TAFA2: variants seen among roughly 807,000 people sequenced by gnomAD.
The protein encoded by TAFA2 is TAFA chemokine like family member 2, also known as chemokine-like protein TAFA-2.
A neutral mutation model predicts 18.8 loss-of-function variants in TAFA2; 7 were observed. That is an observed-to-expected ratio of 0.37 (90% CI 0.21 to 0.70). The LOEUF is 0.70. TAFA2 is among the 30% of genes least tolerant of loss of function. TAFA2 has a pLI of 0.53. For synonymous variants in TAFA2, 60 were observed against 54.2 expected (o/e 1.11, Z -0.47); for missense variants, 122 against 158.1 (o/e 0.77, Z 1.23).
intron 1 of TAFA2, among the ~76,000 whole-genome samples, chr12:62,134,425 C>T (rs959556772): frequency 6.6e-6 from 1 of 151,980 alleles, no homozygotes; most frequent in Non-Finnish European, 1.5e-5. Context: ...TGTGAGGACA[C>T]AGCATGAAGA....
At chr12:62,097,655 GGAAGTTA>G (rs1382930780) in intron 1 of TAFA2, among the ~76,000 whole-genome samples, 1 of 152,160 alleles carries the variant, frequency 6.6e-6, no homozygotes, top group Non-Finnish European at 1.5e-5. Context: ...AGGCAAGAGT[GGAAGTTA>G]GAAAGTCAAT....
chr12:61,881,323 A>C (rs1565667637), intron 1 of TAFA2, among the ~76,000 whole-genome samples: 1 of 152,272 alleles, frequency 6.6e-6, no homozygotes, highest in Admixed American at 6.5e-5. Flanking sequence ...ACTGACACAA[A>C]CCCATATGGT....
At chr12:61,731,279 G>C (rs765728392) in intron 4 of TAFA2, among the ~76,000 whole-genome samples, 1 of 152,066 alleles carries the variant, frequency 6.6e-6, no homozygotes, top group African/African-American at 2.4e-5. Flanking sequence ...GTCTTATGGA[G>C]TTTACTGGCA....
chr12:62,015,521 ATTTG>A (rs1880907851), intron 1 of TAFA2, among the ~76,000 whole-genome samples: 1 of 152,180 alleles, frequency 6.6e-6, no homozygotes, highest in African/African-American at 2.4e-5. Flanking sequence ...GATCAGCAGC[ATTTG>A]TTTATTCTAT....
chr12:62,089,753 G>C (rs1445601982), intron 1 of TAFA2, among the ~76,000 whole-genome samples: 1 of 152,070 alleles, frequency 6.6e-6, no homozygotes, highest in African/African-American at 2.4e-5. Flanking sequence ...TTGCTAAAGA[G>C]TCATTGGATT....
intron 1 of TAFA2, among the ~76,000 whole-genome samples, chr12:61,938,834 C>T (rs1025049369): frequency 4.6e-5 from 7 of 151,950 alleles, no homozygotes; most frequent in Admixed American, 4.6e-4. Context: ...TATGCTTACA[C>T]TTATAAGTGG....
intron 4 of TAFA2, among the ~76,000 whole-genome samples, chr12:61,746,332 G>C (rs1428154989): frequency 2.6e-5 from 4 of 152,062 alleles, no homozygotes; most frequent in Non-Finnish European, 5.9e-5. Context: ...CAGCAATGTG[G>C]AACTGTGAGT....
intron 1 of TAFA2, among the ~76,000 whole-genome samples, chr12:61,949,223 T>C (rs1033762463): frequency 2.6e-5 from 4 of 152,166 alleles, no homozygotes; most frequent in Admixed American, 2.6e-4. Context: ...AGAGGGAACA[T>C]GTTCTGCTTG....
intron 1 of TAFA2, among the ~76,000 whole-genome samples, chr12:62,149,490 T>G (rs1162698390): frequency 6.6e-6 from 1 of 151,342 alleles, no homozygotes; most frequent in African/African-American, 2.4e-5. Flanking sequence ...AACTAAGATT[T>G]TATATGAAAA....
At chr12:61,773,052 T>C (rs1870101996) in intron 2 of TAFA2, among the ~76,000 whole-genome samples, 1 of 151,970 alleles carries the variant, frequency 6.6e-6, no homozygotes, top group Non-Finnish European at 1.5e-5. Context: ...AGCACTGCTA[T>C]ACACCAACAG....
At chr12:62,159,468 C>T (rs73315679) in intron 1 of TAFA2, among the ~76,000 whole-genome samples, 2,796 of 152,232 alleles carry the variant, frequency 0.018, 96 homozygotes, top group African/African-American at 0.064. Context: ...AAGAAACATT[C>T]TAAAAGGAAC....
chr12:61,894,721 G>A (rs1397924480), intron 1 of TAFA2, among the ~76,000 whole-genome samples: 1 of 152,066 alleles, frequency 6.6e-6, no homozygotes, highest in African/African-American at 2.4e-5. Context: ...GATAATTATT[G>A]CCCACATGGT....
intron 1 of TAFA2, among the ~76,000 whole-genome samples, chr12:61,919,107 A>G (rs926094721): frequency 1.3e-5 from 2 of 152,306 alleles, no homozygotes; most frequent in African/African-American, 2.4e-5. Flanking sequence ...CATTTTTACA[A>G]TGTACTGATT....
chr12:61,936,740 C>T (rs2121407368), intron 1 of TAFA2, among the ~76,000 whole-genome samples: 1 of 152,230 alleles, frequency 6.6e-6, no homozygotes, highest in Non-Finnish European at 1.5e-5. Flanking sequence ...GAAACTATTT[C>T]CCCTGAGAAT....
intron 2 of TAFA2, among the ~76,000 whole-genome samples, chr12:61,777,196 C>T (rs750887888): frequency 2.6e-5 from 4 of 151,866 alleles, no homozygotes; most frequent in Non-Finnish European, 5.9e-5. Context: ...GGGGAAGCAG[C>T]AGAGCAACTA....
chr12:62,199,089 A>T (rs1009429207), intron 1 of TAFA2, among the ~76,000 whole-genome samples: 1 of 152,190 alleles, frequency 6.6e-6, no homozygotes, highest in African/African-American at 2.4e-5. Context: ...GGGCTTACTC[A>T]TGTGTCTGAA....
chr12:61,956,964 T>C (rs1319681943), intron 1 of TAFA2, among the ~76,000 whole-genome samples: 1 of 152,150 alleles, frequency 6.6e-6, no homozygotes, highest in African/African-American at 2.4e-5. Context: ...GCAGTGACTA[T>C]CTTCAAATGA....
chr12:61,801,756 A>G (rs2120973845), intron 2 of TAFA2, among the ~76,000 whole-genome samples: 1 of 152,186 alleles, frequency 6.6e-6, no homozygotes, highest in East Asian at 1.9e-4. Context: ...AAAATAGACA[A>G]ATGGAACTAT....
chr12:62,006,594 C>G (rs936566967), intron 1 of TAFA2, among the ~76,000 whole-genome samples: 1 of 152,114 alleles, frequency 6.6e-6, no homozygotes, highest in African/African-American at 2.4e-5. Flanking sequence ...CTAAGAGAGG[C>G]TACAACTAGG....
Sources: allele counts gnomAD v4.1 joint callset (sites outside exome capture counted in the v4.1 genomes callset), GRCh38; gene constraint gnomAD v4.1.1; transcripts MANE v1.5; gene names NCBI Gene and HGNC (gene_info 2026-07-23, HGNC 2026-07-21).